Variants in KCNIP1 observed in about 807,000 individuals in gnomAD.
KCNIP1 encodes the protein potassium voltage-gated channel interacting protein 1.
A neutral mutation model predicts 33.0 loss-of-function variants in KCNIP1; 18 were observed. The ratio of observed to expected loss-of-function variants is 0.55; its 90% CI spans 0.38 to 0.81. The LOEUF is 0.81. Ranked by LOEUF, KCNIP1 falls within the 30% of genes least tolerant of loss-of-function variation. The pLI, the probability that KCNIP1 is intolerant of heterozygous loss-of-function variation, is 0.00. For synonymous variants in KCNIP1, 93 were observed against 98.3 expected, an observed-to-expected ratio of 0.95 and a Z score of 0.32; for missense variants, 238 against 271.6, an observed-to-expected ratio of 0.88 and a Z score of 0.87.
chr5:170,566,339 C>A (rs145691191), intron 1 of KCNIP1, among the ~76,000 whole-genome samples: 1 of 152,168 alleles, frequency 6.6e-6, no homozygotes, highest in Non-Finnish European at 1.5e-5. Context: ...GTGATCCACC[C>A]GCCTCAGCCT....
intron 1 of KCNIP1, among the ~76,000 whole-genome samples, chr5:170,433,632 A>T (rs575913190): frequency 6.6e-6 from 1 of 152,232 alleles, no homozygotes; most frequent in Non-Finnish European, 1.5e-5. Context: ...GAGCAGGTAG[A>T]TCATCAGCAT....
At position 170,397,321 on chromosome 5, in the gene KCNIP1, C is replaced by A. The variant is rs531245947; in HGVS notation, c.88+43357C>A. Among the ~76,000 whole-genome samples, 9 of 152,174 alleles carry A rather than the reference C, an allele frequency of 5.9e-5. No individual in the cohort carries two copies. The South Asian group carries it at 1.0e-3, about 18-fold the overall frequency. On this transcript the variant is annotated intron_variant, in intron 1 of 7. Coordinates refer to the KCNIP1 transcript ENST00000377360. Reference sequence around the variant, plus strand: ...TGGTTGAATCCAACTGGTAGACAGACAAAGAGCTTGTTGCTGCAGTCCCCA... The same window carrying A: ...TGGTTGAATCCAACTGGTAGACAGAAAAAGAGCTTGTTGCTGCAGTCCCCA...
chr5:170,634,549 G>A (rs1581425632), intron 1 of KCNIP1, among the ~76,000 whole-genome samples: 1 of 152,224 alleles, frequency 6.6e-6, no homozygotes, highest in African/African-American at 2.4e-5. Context: ...GCAAGAGATA[G>A]AATTTTGGAG....
At chr5:170,653,499 C>A (rs1480294494) in intron 1 of KCNIP1, among the ~76,000 whole-genome samples, 2 of 152,080 alleles carry the variant, frequency 1.3e-5, no homozygotes, top group Non-Finnish European at 2.9e-5. Context: ...TCTGCCCAAT[C>A]CAGCCTCAGG....
At chr5:170,483,099 A>G in intron 1 of KCNIP1, 1 of 455,510 alleles carries the variant, frequency 2.2e-6, no homozygotes, top group South Asian at 1.6e-5. Context: ...AGAGCCGGAT[A>G]GCTTGGGCAG....
intron 1 of KCNIP1, among the ~76,000 whole-genome samples, chr5:170,401,382 C>T (rs1484630178): frequency 1.3e-5 from 2 of 152,226 alleles, no homozygotes; most frequent in Non-Finnish European, 1.5e-5. Flanking sequence ...AGAATCTTCT[C>T]TGGGAGTTCT....
chr5:170,393,985 T>TG (rs1754686064), intron 1 of KCNIP1, among the ~76,000 whole-genome samples: 2 of 152,228 alleles, frequency 1.3e-5, no homozygotes, highest in Admixed American at 1.3e-4. Flanking sequence ...CCCAGCTCTG[T>TG]GGGAAAGTGG....
intron 1 of KCNIP1, among the ~76,000 whole-genome samples, chr5:170,444,381 C>T (rs761255200): frequency 4.7e-4 from 71 of 152,160 alleles, no homozygotes; most frequent in Admixed American, 9.2e-4. Flanking sequence ...TTCTCTCTCT[C>T]GTGCCTCCCT....
intron 1 of KCNIP1, among the ~76,000 whole-genome samples, chr5:170,403,731 A>G (rs1240704924): frequency 6.6e-6 from 1 of 152,244 alleles, no homozygotes; most frequent in Non-Finnish European, 1.5e-5. Flanking sequence ...CAGGTGCCCA[A>G]GAAATGAATG....
chr5:170,656,827 G>A (rs1050273649), intron 1 of KCNIP1, among the ~76,000 whole-genome samples: 6 of 152,010 alleles, frequency 3.9e-5, no homozygotes, highest in South Asian at 2.1e-4. Flanking sequence ...CTTTAACAGC[G>A]CACATGGGAG....
intron 1 of KCNIP1, among the ~76,000 whole-genome samples, chr5:170,402,495 C>T (rs528733224): frequency 1.3e-5 from 2 of 152,284 alleles, no homozygotes; most frequent in Non-Finnish European, 2.9e-5. Context: ...GGGAACCAGG[C>T]TTCTTCCATC....
intron 1 of KCNIP1, among the ~76,000 whole-genome samples, chr5:170,612,557 C>T (rs372688081): frequency 6.6e-6 from 1 of 152,172 alleles, no homozygotes; most frequent in South Asian, 2.1e-4. Flanking sequence ...CAGTGCTTCC[C>T]AGGGTGAGCC....
intron 7 of KCNIP1, among the ~76,000 whole-genome samples, 199 bp downstream of exon 7, chr5:170,734,097 A>G (rs34221190): frequency 6.6e-6 from 1 of 152,152 alleles, no homozygotes; most frequent in Non-Finnish European, 1.5e-5. Context: ...GCTAAGCACA[A>G]GACTGAACAG....
intron 1 of KCNIP1, among the ~76,000 whole-genome samples, chr5:170,437,909 A>C (rs1215670697): frequency 6.6e-6 from 1 of 152,120 alleles, no homozygotes; most frequent in Non-Finnish European, 1.5e-5. Flanking sequence ...TTGGGCCACC[A>C]AGCTCCTTCC....
At chr5:170,379,395 A>G (rs1228942841) in intron 1 of KCNIP1, among the ~76,000 whole-genome samples, 2 of 152,218 alleles carry the variant, frequency 1.3e-5, no homozygotes, top group Non-Finnish European at 2.9e-5. Context: ...GACACAGGCC[A>G]AGTGGGCTGT....
At chr5:170,503,766 A>G (rs1483761227), upstream of KCNIP1, among the ~76,000 whole-genome samples, 2 of 136,454 alleles carry the variant, frequency 1.5e-5, no homozygotes, top group African/African-American at 5.5e-5. Flanking sequence ...ACACACACAT[A>G]CACACACACA....
chr5:170,365,321 C>T (rs1486619471), intron 1 of KCNIP1, among the ~76,000 whole-genome samples: 2 of 152,140 alleles, frequency 1.3e-5, no homozygotes, highest in African/African-American at 4.8e-5. Context: ...GTTCTGTATC[C>T]ACCATTTCCA....
intron 1 of KCNIP1, among the ~76,000 whole-genome samples, chr5:170,635,724 T>C (rs1561732491): frequency 6.6e-6 from 1 of 152,242 alleles, no homozygotes; most frequent in Non-Finnish European, 1.5e-5. Flanking sequence ...TTTGCAAGGC[T>C]CTGTTTTTAT....
At chr5:170,714,738 A>G (rs1763586468) in intron 1 of KCNIP1, among the ~76,000 whole-genome samples, 1 of 152,184 alleles carries the variant, frequency 6.6e-6, no homozygotes, top group Admixed American at 6.5e-5. Context: ...GAAAAAGCTT[A>G]TAAAATAAGA....
Sources: gnomAD v4.1 joint callset for allele counts (sites outside exome capture counted in the v4.1 genomes callset) on GRCh38, gnomAD v4.1.1 for gene constraint, MANE v1.5 for transcripts, NCBI Gene and HGNC (gene_info 2026-07-23, HGNC 2026-07-21) for gene names.